The following TRIM49 variants were observed in gnomAD, a reference collection of about 807,000 sequenced individuals.
TRIM49 encodes tripartite motif containing 49.
TRIM49 carries 5 observed loss-of-function variants against 27.4 expected under a neutral mutation model. The observed-to-expected ratio is 0.18, with a 90% CI of 0.10 to 0.38. The LOEUF is 0.38. Among genes scored for constraint, TRIM49 ranks in the 10% least tolerant of loss-of-function variants. The pLI, the probability that TRIM49 is intolerant of heterozygous loss-of-function variation, is 1.00. For synonymous variants in TRIM49, 69 were observed against 166.0 expected (o/e 0.42, Z 4.49); for missense variants, 188 against 487.5 (o/e 0.39, Z 5.79).
chr11:89,794,637 A>G (rs2134627584), downstream of TRIM49, among the ~76,000 whole-genome samples: 1 of 147,416 alleles, frequency 6.8e-6, no homozygotes, highest in Non-Finnish European at 1.5e-5. Flanking sequence ...AGCAATGGGG[A>G]AAGGATTCCC....
chr11:89,797,264 C>T (rs1467473013), downstream of TRIM49, among the ~76,000 whole-genome samples: 1 of 151,708 alleles, frequency 6.6e-6, no homozygotes, highest in South Asian at 2.1e-4. Flanking sequence ...TCATCATATA[C>T]ATGTATTATA....
At chr11:89,795,850 C>G (rs1352500123), downstream of TRIM49, among the ~76,000 whole-genome samples, 5 of 151,570 alleles carry the variant, frequency 3.3e-5, no homozygotes, top group African/African-American at 1.2e-4. Flanking sequence ...CAAATCTGCA[C>G]GTTGTGCACA....
At chr11:89,798,747 A>G in intron 7 of TRIM49, 118 bp from the exon 8 acceptor site, 1 of 1,326,232 alleles carries the variant, frequency 7.5e-7, no homozygotes, top group Non-Finnish European at 9.6e-7. Flanking sequence ...TTTTGCTTGT[A>G]ACTTCTAGTA....
the TRIM49 span, among the ~76,000 whole-genome samples, chr11:89,788,261 G>T: frequency 0.056 from 1,934 of 34,244 alleles, 5 homozygotes; most frequent in East Asian, 0.1. Context: ...AACTACTCGG[G>T]AGGCTGAGGC....
intron 6 of TRIM49, among the ~76,000 whole-genome samples, chr11:89,800,464 C>T (rs891509640): frequency 2.0e-5 from 3 of 151,742 alleles, no homozygotes; most frequent in South Asian, 2.1e-4. Flanking sequence ...AAATCAGGGG[C>T]CGGGCGCGGT....
chr11:89,805,054 C>A (rs1212248529), intron 2 of TRIM49, among the ~76,000 whole-genome samples: 2 of 151,484 alleles, frequency 1.3e-5, no homozygotes, highest in African/African-American at 4.9e-5. Flanking sequence ...AGACCCAAAT[C>A]AAAACAAAAT....
At chr11:89,792,905 T>C (rs560929144), downstream of TRIM49, among the ~76,000 whole-genome samples, 11 of 152,206 alleles carry the variant, frequency 7.2e-5, no homozygotes, top group South Asian at 2.1e-3. Context: ...AGAGCAGAAC[T>C]GAAGGAGATA....
At chr11:89,774,070 G>A in the TRIM49 span, among the ~76,000 whole-genome samples, 1 of 146,582 alleles carries the variant, frequency 6.8e-6, no homozygotes, top group Non-Finnish European at 1.5e-5. Context: ...GTGCTATCTC[G>A]GCTCAGTGTA....
rs67587807 is a variant in TRIM49 at position 89,807,758 on chromosome 11, A to G, written c.-190-474T>C. The stretch of plus-strand genomic sequence containing the variant: ...ACTCTGTAGCCCATGCTGTTCTCCA[A>G]CTCCTGGCTTCAAGTGGTCCTCTGG... On this transcript the variant is annotated intron_variant, in intron 1 of 7. Coordinates refer to ENST00000329758, the MANE Select transcript of TRIM49 (RefSeq NM_020358.2). Among the ~76,000 whole-genome samples the G allele has an allele frequency of 8.7e-3, 1,294 of 147,956 alleles. 42 individuals are homozygous for G. Among genetic ancestry groups the G allele is most frequent in the African/African-American group, 0.032 (1,220 of 37,700 alleles).
chr11:89,777,142 T>C, the TRIM49 span: 5 of 1,550,646 alleles, frequency 3.2e-6, no homozygotes, highest in South Asian at 4.8e-5. Context: ...CTGCCCTTCG[T>C]GCAGAAAAAC....
the TRIM49 span, chr11:89,785,966 T>C: frequency 1.4e-5 from 2 of 140,128 alleles, no homozygotes; most frequent in Non-Finnish European, 3.0e-5. Flanking sequence ...TGGCTGGGAC[T>C]CGGCCGCAGG....
At chr11:89,776,975 A>G in the TRIM49 span, 4 of 1,511,026 alleles carry the variant, frequency 2.6e-6, no homozygotes, top group Non-Finnish European at 3.5e-6. Context: ...TTTAATTTTC[A>G]GAAACATGGA....
chr11:89,770,872 A>C, the TRIM49 span, among the ~76,000 whole-genome samples: 1 of 139,814 alleles, frequency 7.2e-6, no homozygotes, highest in Non-Finnish European at 1.5e-5. Flanking sequence ...TCTCAAAAAC[A>C]AAAACAAAAC....
chr11:89,793,217 G>T (rs1266992564), downstream of TRIM49, among the ~76,000 whole-genome samples: 3 of 152,092 alleles, frequency 2.0e-5, no homozygotes, highest in Non-Finnish European at 4.4e-5. Flanking sequence ...TCAATAACAG[G>T]CTCTGAAATT....
downstream of TRIM49, among the ~76,000 whole-genome samples, chr11:89,793,254 C>T (rs1288254667): frequency 6.6e-6 from 1 of 151,978 alleles, no homozygotes; most frequent in African/African-American, 2.4e-5. Flanking sequence ...GCCTACAAAC[C>T]AAATAAAGTC....
chr11:89,802,329 A>G (rs1482226607), intron 4 of TRIM49, among the ~76,000 whole-genome samples: 4 of 150,660 alleles, frequency 2.7e-5, no homozygotes, highest in African/African-American at 7.4e-5. Flanking sequence ...TTATATGAAA[A>G]TGACCTTAGA....
the TRIM49 span, among the ~76,000 whole-genome samples, chr11:89,776,783 A>G: frequency 3.2e-4 from 49 of 151,222 alleles, no homozygotes; most frequent in East Asian, 7.7e-3. Context: ...TTCAATGGCT[A>G]TTGAGCGAAA....
the TRIM49 span, among the ~76,000 whole-genome samples, chr11:89,790,885 C>A: frequency 1.3e-5 from 2 of 152,160 alleles, no homozygotes; most frequent in Non-Finnish European, 2.9e-5. Context: ...AGCAATGGAA[C>A]GAAGCTGGAT....
At chr11:89,773,987 T>C in the TRIM49 span, among the ~76,000 whole-genome samples, 1 of 126,844 alleles carries the variant, frequency 7.9e-6, no homozygotes, top group South Asian at 2.5e-4. Flanking sequence ...ATAATTGTTG[T>C]ATTTAAAATA....
Sources: allele counts gnomAD v4.1 joint callset (sites outside exome capture counted in the v4.1 genomes callset), GRCh38; gene constraint gnomAD v4.1.1; transcripts MANE v1.5; gene names NCBI Gene and HGNC (gene_info 2026-07-23, HGNC 2026-07-21).